SGCZ: variants seen among roughly 807,000 people sequenced by gnomAD.
The protein encoded by SGCZ is sarcoglycan zeta.
In SGCZ, 40 loss-of-function variants were observed where a neutral mutation model predicts 41.3. The ratio of observed to expected loss-of-function variants is 0.97; its 90% CI spans 0.75 to 1.26. The LOEUF is 1.26. Among genes scored for constraint, SGCZ ranks in the 50% most tolerant of loss-of-function variants. The pLI is 0.00. For synonymous variants in SGCZ, 206 were observed against 137.5 expected (o/e 1.50, Z -3.49); for missense variants, 552 against 369.8 (o/e 1.49, Z -4.04).
chr8:14,239,996 A>T (rs1165700017), intron 3 of SGCZ, among the ~76,000 whole-genome samples: 1 of 150,898 alleles, frequency 6.6e-6, no homozygotes, highest in African/African-American at 2.4e-5. Flanking sequence ...GGCAATGGAT[A>T]GTTTACTTAA....
At chr8:14,800,928 A>G (rs1034094062) in intron 1 of SGCZ, among the ~76,000 whole-genome samples, 3 of 152,192 alleles carry the variant, frequency 2.0e-5, no homozygotes, top group Non-Finnish European at 4.4e-5. Context: ...GACAACCATA[A>G]TGGTTTTATC....
At chr8:15,210,760 C>T (rs959699451) in intron 1 of SGCZ, among the ~76,000 whole-genome samples, 7 of 152,102 alleles carry the variant, frequency 4.6e-5, no homozygotes, top group African/African-American at 1.4e-4. Context: ...TTAGCTGCAC[C>T]TCCTCTAGCT....
chr8:14,674,375 A>G (rs1163139776), intron 1 of SGCZ, among the ~76,000 whole-genome samples: 1 of 152,200 alleles, frequency 6.6e-6, no homozygotes, highest in Non-Finnish European at 1.5e-5. Context: ...TAATTAAAAC[A>G]GCTCATTTTT....
At chr8:15,162,347 A>G (rs1377728279) in intron 1 of SGCZ, among the ~76,000 whole-genome samples, 2 of 152,208 alleles carry the variant, frequency 1.3e-5, no homozygotes, top group African/African-American at 4.8e-5. Context: ...CTCTAACCCA[A>G]AGGAACATTT....
At chr8:14,148,084 G>C (rs1055629868) in intron 5 of SGCZ, among the ~76,000 whole-genome samples, 1 of 151,948 alleles carries the variant, frequency 6.6e-6, no homozygotes, top group African/African-American at 2.4e-5. Flanking sequence ...ATAGATATAA[G>C]TGCCTTTATC....
chr8:14,333,189 C>T (rs1258377353), intron 2 of SGCZ, among the ~76,000 whole-genome samples: 1 of 152,026 alleles, frequency 6.6e-6, no homozygotes, highest in Admixed American at 6.6e-5. Context: ...GTTAAGGTTA[C>T]CTGCTGGGAA....
intron 3 of SGCZ, among the ~76,000 whole-genome samples, chr8:14,242,011 C>A (rs975021654): frequency 6.6e-6 from 1 of 152,068 alleles, no homozygotes; most frequent in African/African-American, 2.4e-5. Context: ...CCACTGGATA[C>A]AAAAGAGAAA....
intron 2 of SGCZ, among the ~76,000 whole-genome samples, chr8:14,481,797 A>C (rs2117006344): frequency 6.6e-6 from 1 of 152,342 alleles, no homozygotes; most frequent in East Asian, 1.9e-4. Context: ...TTCCATCTCT[A>C]ATCAAGGGAT....
chr8:14,757,282 C>T (rs1799708699), intron 1 of SGCZ, among the ~76,000 whole-genome samples: 1 of 152,224 alleles, frequency 6.6e-6, no homozygotes, highest in Non-Finnish European at 1.5e-5. Context: ...CCCCTGACTT[C>T]AGGTGATCCA....
chr8:14,792,725 C>A (rs1054285713), intron 1 of SGCZ, among the ~76,000 whole-genome samples: 6 of 152,000 alleles, frequency 3.9e-5, no homozygotes, highest in African/African-American at 1.4e-4. Context: ...AGAATCAATA[C>A]CCCCTTTCTC....
chr8:14,244,294 C>T (rs923180033), intron 3 of SGCZ, among the ~76,000 whole-genome samples: 9 of 151,556 alleles, frequency 5.9e-5, no homozygotes, highest in African/African-American at 1.9e-4. Context: ...CTTTTTCTTC[C>T]CCAGAGCAAG....
intron 1 of SGCZ, among the ~76,000 whole-genome samples, chr8:15,232,128 C>T (rs910746397): frequency 6.6e-6 from 1 of 152,084 alleles, no homozygotes; most frequent in African/African-American, 2.4e-5. Flanking sequence ...CAAAAGTAAA[C>T]GGTCATTTTC....
Position 14,761,019 on chromosome 8 carries a change from A to G in SGCZ, c.40-206093T>C, listed in dbSNP as rs141457888. Among the ~76,000 whole-genome samples the G allele has an allele frequency of 4.5e-3, 685 of 152,316 alleles. 5 individuals carry two copies. The highest frequency in any genetic ancestry group is 0.02 in the Middle Eastern group (6 of 294). ...AGAAGCGGTGGTGGGGATTTCGAAG[A>G]TAAGTTGCAACACAATCCAATCATG... On this transcript the variant is annotated intron_variant, in intron 1 of 7. Transcript: ENST00000382080.
intron 2 of SGCZ, among the ~76,000 whole-genome samples, chr8:14,503,389 A>G (rs1268646037): frequency 6.6e-6 from 1 of 152,164 alleles, no homozygotes; most frequent in African/African-American, 2.4e-5. Context: ...GCACGTGCAT[A>G]CCTATGTAAC....
intron 5 of SGCZ, among the ~76,000 whole-genome samples, chr8:14,161,520 G>T (rs1456363951): frequency 6.6e-6 from 1 of 152,098 alleles, no homozygotes; most frequent in Non-Finnish European, 1.5e-5. Context: ...ACCATTTATT[G>T]ATTACCAATA....
intron 1 of SGCZ, among the ~76,000 whole-genome samples, chr8:15,121,215 T>C (rs1232615039): frequency 6.6e-6 from 1 of 151,984 alleles, no homozygotes; most frequent in African/African-American, 2.4e-5. Context: ...TTTTGTAGTT[T>C]TAAAAAACCA....
At chr8:14,401,023 C>T (rs1585457221) in intron 2 of SGCZ, among the ~76,000 whole-genome samples, 1 of 152,068 alleles carries the variant, frequency 6.6e-6, no homozygotes, top group South Asian at 2.1e-4. Flanking sequence ...ACCAACAATT[C>T]ACTATAAGCA....
chr8:14,295,170 G>C (rs557391634), intron 3 of SGCZ, among the ~76,000 whole-genome samples: 1 of 152,222 alleles, frequency 6.6e-6, no homozygotes, highest in East Asian at 1.9e-4. Context: ...ATAGCCAAAA[G>C]ATGCGAAAAG....
At chr8:15,000,165 G>C (rs1802363929) in intron 1 of SGCZ, among the ~76,000 whole-genome samples, 1 of 152,164 alleles carries the variant, frequency 6.6e-6, no homozygotes, top group South Asian at 2.1e-4. Context: ...CAGGAGGGCA[G>C]CCGTCTCCAA....
Sources: gnomAD v4.1 joint callset for allele counts (sites outside exome capture counted in the v4.1 genomes callset) on GRCh38, gnomAD v4.1.1 for gene constraint, MANE v1.5 for transcripts, NCBI Gene and HGNC (gene_info 2026-07-23, HGNC 2026-07-21) for gene names.